Variants in LMNB1 observed in about 807,000 individuals in gnomAD.
LMNB1 encodes lamin-B1.
LMNB1 carries 23 observed loss-of-function variants against 67.1 expected under a neutral mutation model. The observed-to-expected ratio is 0.34, with a 90% CI of 0.25 to 0.49. LMNB1 has a LOEUF of 0.49. LMNB1 is among the 20% of genes least tolerant of loss of function. The pLI, the probability that LMNB1 is intolerant of heterozygous loss-of-function variation, is 0.99. For missense variants in LMNB1, 634 were observed against 746.5 expected (o/e 0.85, Z 1.76); for synonymous variants, 281 against 282.9 (o/e 0.99, Z 0.07).
chr5:126,797,395 TATAA>T (rs1045945446), intron 1 of LMNB1, among the ~76,000 whole-genome samples: 1 of 152,214 alleles, frequency 6.6e-6, no homozygotes, highest in Non-Finnish European at 1.5e-5. Flanking sequence ...TTATCTGGAA[TATAA>T]ATAGTTTAAT....
intron 8 of LMNB1, among the ~76,000 whole-genome samples, chr5:126,824,441 T>C (rs1751942616): frequency 6.6e-6 from 1 of 152,204 alleles, no homozygotes; most frequent in Non-Finnish European, 1.5e-5. Context: ...ATTTTACCCT[T>C]ACAGCACATT....
At chr5:126,800,898 T>C (rs1751256465) in intron 1 of LMNB1, among the ~76,000 whole-genome samples, 1 of 139,472 alleles carries the variant, frequency 7.2e-6, no homozygotes, top group Admixed American at 7.5e-5. Flanking sequence ...GTGATCCGCT[T>C]GCCTCGGCCT....
chr5:126,791,509 G>A (rs1254590743), intron 1 of LMNB1, among the ~76,000 whole-genome samples: 2 of 151,940 alleles, frequency 1.3e-5, no homozygotes, highest in African/African-American at 4.8e-5. Flanking sequence ...CCAGGCTGGA[G>A]TGCAGTGGCA....
intron 1 of LMNB1, among the ~76,000 whole-genome samples, chr5:126,795,706 C>G: frequency 6.6e-6 from 1 of 152,062 alleles, no homozygotes; most frequent in Non-Finnish European, 1.5e-5. Context: ...TCACAGCAAC[C>G]TCTGCCCCCC....
At chr5:126,803,547 CTGTT>C (rs565872362) in intron 1 of LMNB1, among the ~76,000 whole-genome samples, 83 of 149,948 alleles carry the variant, frequency 5.5e-4, no homozygotes, top group African/African-American at 1.6e-3. Flanking sequence ...CACGCCCGGC[CTGTT>C]TGTTTGTTTT....
At chr5:126,832,519 C>CT (rs1274623174) in intron 9 of LMNB1, among the ~76,000 whole-genome samples, 175 bp from the exon 10 acceptor site, 1 of 152,068 alleles carries the variant, frequency 6.6e-6, no homozygotes, top group Non-Finnish European at 1.5e-5. Flanking sequence ...AGGCTGGTCT[C>CT]TAACTCCTGA....
chr5:126,836,152 T>G, intron 10 of LMNB1, 71 bp from the exon 11 acceptor site: 2 of 1,207,612 alleles, frequency 1.7e-6, no homozygotes, highest in Non-Finnish European at 2.4e-6. Context: ...TAGTTAAAAG[T>G]TTTTGTCTTA....
chr5:126,792,974 ATTG>A (rs1223121975), intron 1 of LMNB1, among the ~76,000 whole-genome samples: 1 of 152,218 alleles, frequency 6.6e-6, no homozygotes, highest in Non-Finnish European at 1.5e-5. Context: ...TGCTTAGAAC[ATTG>A]TTGTAGAACT....
chr5:126,832,555 C>T, intron 9 of LMNB1, 139 bp from the exon 10 acceptor site: 2 of 537,370 alleles, frequency 3.7e-6, no homozygotes, highest in Non-Finnish European at 6.8e-6. Flanking sequence ...CTGCCTTGGC[C>T]TCCCAAAGTG....
Position 126,777,858 on chromosome 5 carries a change from T to G in LMNB1, c.350T>G (p.Leu117Arg). ...AAGTGCAAGGCGGAACACGACCAGC[T>G]GCTCCTCAAGTGAGTGCTAGCTGGC... ...LGKCKAEHDQ[L>R]LLNYAKKESD... is the part of the protein sequence containing the mutation. Residue 117 changes from leucine (L) to arginine (R), a missense_variant, in exon 1 of 11, where the codon CTG becomes CGG. By Grantham distance (102) the Leu-to-Arg change is moderately radical (BLOSUM62 -2). Coordinates refer to ENST00000261366, the MANE Select transcript of LMNB1 (RefSeq NM_005573.4). The G allele has an allele frequency of 3.5e-6, 5 of 1,433,034 alleles. No homozygotes were observed. Among genetic ancestry groups the G allele is most frequent in the Non-Finnish European group, 4.6e-6 (5 of 1,091,742 alleles). 88.8% of individuals were successfully genotyped at this position (1,433,034 alleles called of 1,614,324 possible).
intron 1 of LMNB1, among the ~76,000 whole-genome samples, chr5:126,795,430 G>C (rs1751062064): frequency 6.6e-6 from 1 of 152,090 alleles, no homozygotes; most frequent in Non-Finnish European, 1.5e-5. Flanking sequence ...GAACCACCGG[G>C]CCTGGCCTCC....
At chr5:126,795,258 C>T (rs2112939897) in intron 1 of LMNB1, among the ~76,000 whole-genome samples, 1 of 152,010 alleles carries the variant, frequency 6.6e-6, no homozygotes, top group East Asian at 1.9e-4. Context: ...CCATCTCAGT[C>T]TCTCTAGTAG....
chr5:126,780,658 GGTTAGTAGT>G (rs1214541754), intron 1 of LMNB1, among the ~76,000 whole-genome samples: 2 of 152,100 alleles, frequency 1.3e-5, no homozygotes, highest in African/African-American at 2.4e-5. Context: ...ATTCTCTGAG[GGTTAGTAGT>G]GTTCTGGGAT....
intron 1 of LMNB1, among the ~76,000 whole-genome samples, chr5:126,782,308 G>T (rs888331935): frequency 6.6e-6 from 1 of 152,146 alleles, no homozygotes; most frequent in Non-Finnish European, 1.5e-5. Context: ...AATTTAAGAC[G>T]GTAATATGAT....
intron 1 of LMNB1, among the ~76,000 whole-genome samples, chr5:126,797,847 G>A (rs897120783): frequency 1.3e-5 from 2 of 151,912 alleles, no homozygotes; most frequent in Non-Finnish European, 2.9e-5. Flanking sequence ...AGGCTGAGGC[G>A]GACAGGTCAC....
intron 9 of LMNB1, among the ~76,000 whole-genome samples, chr5:126,828,874 CT>C (rs1366499183): frequency 6.6e-6 from 1 of 152,094 alleles, no homozygotes; most frequent in African/African-American, 2.4e-5. Flanking sequence ...TTGGTCCATT[CT>C]TTTAACAAAC....
At chr5:126,784,851 G>C (rs962863435) in intron 1 of LMNB1, among the ~76,000 whole-genome samples, 4 of 145,422 alleles carry the variant, frequency 2.8e-5, no homozygotes, top group Non-Finnish European at 4.5e-5. Context: ...TTTAGTAGAG[G>C]CTGGGTTTCA....
At chr5:126,786,739 A>G (rs1036018628) in intron 1 of LMNB1, among the ~76,000 whole-genome samples, 3 of 152,148 alleles carry the variant, frequency 2.0e-5, no homozygotes, top group African/African-American at 7.2e-5. Context: ...AAATGCTACT[A>G]GTTGCATGTT....
chr5:126,805,995 G>T (rs766086401), intron 3 of LMNB1, among the ~76,000 whole-genome samples: 1 of 152,020 alleles, frequency 6.6e-6, no homozygotes, highest in African/African-American at 2.4e-5. Context: ...TTGCTCTGCC[G>T]CCAGGCTGGA....
Sources: allele counts gnomAD v4.1 joint callset (sites outside exome capture counted in the v4.1 genomes callset), GRCh38; gene constraint gnomAD v4.1.1; transcripts MANE v1.5; gene names NCBI Gene and HGNC (gene_info 2026-07-23, HGNC 2026-07-21).